The following SYT16 variants were observed in gnomAD, a reference collection of about 807,000 sequenced individuals.
SYT16 encodes the protein synaptotagmin-16.
Under a neutral mutation model 61.4 loss-of-function variants are expected in SYT16, and 42 were observed. The observed-to-expected ratio is 0.68, with a 90% CI of 0.53 to 0.89. The LOEUF is 0.89. Ranked by LOEUF, SYT16 falls within the 40% of genes least tolerant of loss-of-function variation. The pLI, the probability that SYT16 is intolerant of heterozygous loss-of-function variation, is 0.00. For synonymous variants in SYT16, 314 were observed against 302.3 expected (o/e 1.04, Z -0.40); for missense variants, 804 against 807.3 (o/e 1.00, Z 0.05).
intron 4 of SYT16, among the ~76,000 whole-genome samples, chr14:62,072,433 A>C (rs769438347): frequency 1.3e-5 from 2 of 152,074 alleles, no homozygotes; most frequent in Non-Finnish European, 2.9e-5. Context: ...AAGAATTGGG[A>C]AGGTGGTGGC....
chr14:62,050,585 T>C (rs1266490439), intron 3 of SYT16, among the ~76,000 whole-genome samples: 1 of 152,156 alleles, frequency 6.6e-6, no homozygotes, highest in African/African-American at 2.4e-5. Context: ...GCTCCGTTTT[T>C]CCCCCATCTT....
rs1385621116 is a variant in SYT16, at chr14:62,107,768, T to C, written c.*7061T>C. 6.6e-6 allele frequency: 1 copy of C among 152,140 alleles called. No individual in the cohort carries two copies. The highest frequency in any genetic ancestry group is 1.5e-5 in the Non-Finnish European group (1 of 68,014). 9.4% of individuals were successfully genotyped at this position (152,140 alleles called of 1,614,324 possible). On this transcript the variant is annotated 3_prime_UTR_variant, in exon 8 of 8. Transcript: ENST00000683842. ...TATGCTTTCATTCAAAATAAATGGA[T>C]ATGTTTTGTATCTGGGGGAGGAAAT...
intron 3 of SYT16, among the ~76,000 whole-genome samples, chr14:62,039,834 TACACACACACAC>T (rs71449576): frequency 0.016 from 1,940 of 124,418 alleles, 46 homozygotes; most frequent in African/African-American, 0.051. Flanking sequence ...GGCTTAAGCA[TACACACACACAC>T]ACACACACAC....
At chr14:61,833,515 C>A (rs567801599) in intron 1 of SYT16, among the ~76,000 whole-genome samples, 3 of 151,698 alleles carry the variant, frequency 2.0e-5, no homozygotes, top group Admixed American at 6.6e-5. Flanking sequence ...TGGTCTCGAA[C>A]TTCTGACCTC....
intron 1 of SYT16, among the ~76,000 whole-genome samples, chr14:61,901,416 G>T (rs752539210): frequency 1.7e-4 from 26 of 152,164 alleles, no homozygotes; most frequent in Non-Finnish European, 3.1e-4. Context: ...GAAATGAGGA[G>T]GGAAGCTAAA....
chr14:61,852,396 A>G (rs1264784188), intron 1 of SYT16, among the ~76,000 whole-genome samples: 3 of 152,196 alleles, frequency 2.0e-5, no homozygotes, highest in Non-Finnish European at 4.4e-5. Flanking sequence ...TGTCTTGGCT[A>G]TTCAGGCTCT....
At chr14:61,934,952 G>C (rs537719499) in intron 1 of SYT16, among the ~76,000 whole-genome samples, 11 of 152,136 alleles carry the variant, frequency 7.2e-5, no homozygotes, top group East Asian at 1.9e-4. Flanking sequence ...TTGCGAAAGA[G>C]TATTTTCATT....
chr14:61,972,665 T>C (rs1429626113), intron 2 of SYT16, among the ~76,000 whole-genome samples: 3 of 152,224 alleles, frequency 2.0e-5, no homozygotes, highest in African/African-American at 7.2e-5. Flanking sequence ...GATATTTGCC[T>C]TAATTATCCT....
At chr14:62,072,699 G>A (rs2056343136) in intron 4 of SYT16, among the ~76,000 whole-genome samples, 1 of 152,156 alleles carries the variant, frequency 6.6e-6, no homozygotes, top group Non-Finnish European at 1.5e-5. Flanking sequence ...GTGTTTGATT[G>A]AGTAATTGGC....
At chr14:61,924,982 A>G (rs932892223) in intron 1 of SYT16, among the ~76,000 whole-genome samples, 8 of 152,134 alleles carry the variant, frequency 5.3e-5, no homozygotes, top group African/African-American at 9.7e-5. Context: ...ACACATCTCA[A>G]AGTTGCCTAT....
At chr14:61,909,490 C>T (rs1357067999) in intron 1 of SYT16, among the ~76,000 whole-genome samples, 1 of 152,146 alleles carries the variant, frequency 6.6e-6, no homozygotes, top group African/African-American at 2.4e-5. Flanking sequence ...TCAGTCTCTC[C>T]CTCCATCTTC....
intron 2 of SYT16, among the ~76,000 whole-genome samples, chr14:61,984,059 A>C (rs1014883053): frequency 6.6e-6 from 1 of 152,180 alleles, no homozygotes; most frequent in Non-Finnish European, 1.5e-5. Context: ...ATAGCATTAC[A>C]AGACATTACA....
chr14:62,049,944 T>C (rs1253322796), intron 3 of SYT16, among the ~76,000 whole-genome samples: 2 of 152,186 alleles, frequency 1.3e-5, no homozygotes, highest in East Asian at 1.9e-4. Flanking sequence ...CAGACAATTA[T>C]GTGTCTTGGA....
chr14:62,009,679 ACT>A (rs2053367067), intron 3 of SYT16, among the ~76,000 whole-genome samples: 2 of 152,172 alleles, frequency 1.3e-5, no homozygotes, highest in Non-Finnish European at 2.9e-5. Flanking sequence ...GAAGGGACTT[ACT>A]GATTCCTGTT....
intron 1 of SYT16, among the ~76,000 whole-genome samples, chr14:61,853,604 T>C (rs2046684303): frequency 6.6e-6 from 1 of 152,240 alleles, no homozygotes; most frequent in African/African-American, 2.4e-5. Context: ...CTTCACCAGA[T>C]ACCAGATCTG....
chr14:61,938,691 C>G (rs1471911218), intron 1 of SYT16, among the ~76,000 whole-genome samples: 1 of 151,984 alleles, frequency 6.6e-6, no homozygotes, highest in African/African-American at 2.4e-5. Flanking sequence ...AATGAGAAAC[C>G]ATTAACACCA....
intron 2 of SYT16, among the ~76,000 whole-genome samples, chr14:61,985,993 C>T (rs531541140): frequency 1.3e-5 from 2 of 152,258 alleles, no homozygotes; most frequent in East Asian, 3.9e-4. Flanking sequence ...TCAGAGAACA[C>T]TGACAACTTA....
intron 1 of SYT16, among the ~76,000 whole-genome samples, chr14:61,939,004 G>A (rs536456990): frequency 2.6e-5 from 4 of 152,212 alleles, no homozygotes; most frequent in South Asian, 2.1e-4. Context: ...GCATGGTGGC[G>A]GGTGCCTATA....
intron 3 of SYT16, among the ~76,000 whole-genome samples, chr14:62,042,459 A>G (rs112555402): frequency 1.0e-3 from 159 of 152,320 alleles, no homozygotes; most frequent in African/African-American, 2.9e-3. Flanking sequence ...GGAAGGGCTA[A>G]AGCAATGGTC....
Sources: allele counts gnomAD v4.1 joint callset (sites outside exome capture counted in the v4.1 genomes callset), GRCh38; gene constraint gnomAD v4.1.1; transcripts MANE v1.5; gene names NCBI Gene and HGNC (gene_info 2026-07-23, HGNC 2026-07-21).